ANKS1B: variants seen among roughly 807,000 people sequenced by gnomAD.
The protein encoded by ANKS1B is ankyrin repeat and sterile alpha motif domain containing 1B, also known as ankyrin repeat and sterile alpha motif domain-containing protein 1B.
Under a neutral mutation model 148.3 loss-of-function variants are expected in ANKS1B, and 36 were observed. That is an observed-to-expected ratio of 0.24 (90% CI 0.19 to 0.32). The LOEUF (loss-of-function observed/expected upper bound fraction) is 0.32, where lower values mean the gene tolerates loss of function less well. Ranked by LOEUF, ANKS1B falls within the 10% of genes least tolerant of loss-of-function variation. ANKS1B has a pLI of 1.00. For synonymous variants in ANKS1B, 542 were observed against 560.8 expected (o/e 0.97, Z 0.47); for missense variants, 1,157 against 1,542.6 (o/e 0.75, Z 4.19).
At chr12:99,798,975 T>A (rs1479697608) in intron 4 of ANKS1B, among the ~76,000 whole-genome samples, 1 of 152,058 alleles carries the variant, frequency 6.6e-6, no homozygotes, top group Non-Finnish European at 1.5e-5. Flanking sequence ...ACCTTTCCAC[T>A]ATTTAAAAAC....
intron 1 of ANKS1B, among the ~76,000 whole-genome samples, chr12:99,844,568 G>T (rs895460878): frequency 6.6e-6 from 1 of 152,028 alleles, no homozygotes; most frequent in Non-Finnish European, 1.5e-5. Context: ...TTATTTCTGG[G>T]TTCTCTATTC....
intron 1 of ANKS1B, among the ~76,000 whole-genome samples, chr12:99,850,164 A>G (rs1042311100): frequency 5.3e-5 from 8 of 152,106 alleles, no homozygotes; most frequent in African/African-American, 1.9e-4. Flanking sequence ...ATGATCTAAG[A>G]ATTTTCAGTC....
intron 15 of ANKS1B, among the ~76,000 whole-genome samples, chr12:99,140,953 T>A (rs1460675443): frequency 6.6e-6 from 1 of 152,120 alleles, no homozygotes; most frequent in Non-Finnish European, 1.5e-5. Context: ...AGAAACATAT[T>A]TCCATATTCT....
chr12:99,631,620 T>C (rs1025690198), intron 9 of ANKS1B, among the ~76,000 whole-genome samples: 1 of 152,164 alleles, frequency 6.6e-6, no homozygotes, highest in Non-Finnish European at 1.5e-5. Context: ...TTGTCATAAA[T>C]GGGCAAAGAA....
chr12:98,774,866 T>C (rs762777282), intron 24 of ANKS1B, among the ~76,000 whole-genome samples: 3 of 152,214 alleles, frequency 2.0e-5, no homozygotes, highest in Non-Finnish European at 4.4e-5. Context: ...TGCAGTGCTC[T>C]GTCAAAAAAT....
At chr12:98,901,878 C>T (rs1321543804) in intron 17 of ANKS1B, among the ~76,000 whole-genome samples, 5 of 151,820 alleles carry the variant, frequency 3.3e-5, no homozygotes, top group Non-Finnish European at 5.9e-5. Flanking sequence ...ATACTCAAGG[C>T]TTTTTTTTGC....
chr12:99,965,161 C>A (rs1793153258), intron 1 of ANKS1B, among the ~76,000 whole-genome samples: 1 of 152,012 alleles, frequency 6.6e-6, no homozygotes. Context: ...ATAAAAGGAA[C>A]CAGGCCACTT....
intron 8 of ANKS1B, among the ~76,000 whole-genome samples, chr12:99,730,012 G>T (rs1015476829): frequency 3.3e-5 from 5 of 152,206 alleles, no homozygotes; most frequent in Non-Finnish European, 7.3e-5. Flanking sequence ...CTTTGTGCAT[G>T]TATGCTCACA....
rs537465576 is a variant in ANKS1B, at chr12:99,529,228, A to C, written c.1273-24587T>G. Among the ~76,000 whole-genome samples the C allele has an allele frequency of 5.3e-5, 8 of 152,358 alleles. No homozygotes were observed. In the South Asian group the frequency reaches 1.7e-3, roughly 32 times the overall value. On this transcript the variant is annotated intron_variant, in intron 9 of 26. Transcript: ENST00000683438. ...CCTAGATGATCTAGATCAGAAGTCA[A>C]CAAGAAGTCAAAAGAAGTGGAATGT...
intron 12 of ANKS1B, among the ~76,000 whole-genome samples, chr12:99,257,042 A>G (rs930023666): frequency 1.3e-5 from 2 of 152,100 alleles, no homozygotes; most frequent in Non-Finnish European, 2.9e-5. Flanking sequence ...CAGGAGATCG[A>G]GACCATCCTG....
At chr12:99,486,845 CTG>C (rs1273592612) in intron 10 of ANKS1B, among the ~76,000 whole-genome samples, 1 of 152,158 alleles carries the variant, frequency 6.6e-6, no homozygotes, top group Non-Finnish European at 1.5e-5. Flanking sequence ...GCAAGTGACT[CTG>C]TGTCTTATGC....
At chr12:99,801,619 AG>A (rs2066963863) in intron 4 of ANKS1B, among the ~76,000 whole-genome samples, 1 of 152,308 alleles carries the variant, frequency 6.6e-6, no homozygotes, top group Non-Finnish European at 1.5e-5. Flanking sequence ...GTTGCTACAA[AG>A]GGGTCAGAGA....
chr12:98,831,910 T>C (rs1445294324), intron 18 of ANKS1B, 119 bp downstream of exon 18: 2 of 903,628 alleles, frequency 2.2e-6, no homozygotes, highest in South Asian at 1.4e-5. Flanking sequence ...CAACCACACC[T>C]GGCTAAATTT....
chr12:99,289,248 C>T (rs1423767683), intron 12 of ANKS1B, among the ~76,000 whole-genome samples: 1 of 151,948 alleles, frequency 6.6e-6, no homozygotes. Context: ...GCTCCCAACA[C>T]TGGAGGATCA....
At chr12:98,975,007 TCCTC>T (rs199704017) in intron 17 of ANKS1B, among the ~76,000 whole-genome samples, 3,005 of 145,978 alleles carry the variant, frequency 0.021, 85 homozygotes, top group South Asian at 0.15. Flanking sequence ...CTTGCTTCCT[TCCTC>T]CCTCCCTCCC....
chr12:99,624,071 G>A (rs140996452), intron 9 of ANKS1B, among the ~76,000 whole-genome samples: 2,102 of 152,112 alleles, frequency 0.014, 54 homozygotes, highest in African/African-American at 0.048. Flanking sequence ...TAAACCAAGG[G>A]AACAGAATAC....
chr12:98,811,156 G>A (rs543412482), intron 19 of ANKS1B, among the ~76,000 whole-genome samples: 137 of 152,288 alleles, frequency 9.0e-4, no homozygotes, highest in Non-Finnish European at 1.6e-3. Context: ...CTGTGTCCCC[G>A]TGTGATTTCT....
chr12:99,884,019 T>C (rs2092693348), intron 1 of ANKS1B, among the ~76,000 whole-genome samples: 2 of 151,852 alleles, frequency 1.3e-5, no homozygotes, highest in Non-Finnish European at 2.9e-5. Flanking sequence ...AATAAATACA[T>C]GATTTGAAAG....
chr12:99,050,568 C>G (rs1006407011), intron 17 of ANKS1B, among the ~76,000 whole-genome samples: 3 of 152,060 alleles, frequency 2.0e-5, no homozygotes, highest in Admixed American at 1.3e-4. Context: ...GTCTAAGAGA[C>G]AGTGACTATG....
Sources: allele counts gnomAD v4.1 joint callset (sites outside exome capture counted in the v4.1 genomes callset), GRCh38; gene constraint gnomAD v4.1.1; transcripts MANE v1.5; gene names NCBI Gene and HGNC (gene_info 2026-07-23, HGNC 2026-07-21).